The following TMEM19 variants were observed in gnomAD, a reference collection of about 807,000 sequenced individuals.
TMEM19 encodes the protein transmembrane protein 19.
Under a neutral mutation model 33.6 loss-of-function variants are expected in TMEM19, and 21 were observed. The observed-to-expected ratio is 0.62, with a 90% CI of 0.44 to 0.90. TMEM19 has a LOEUF of 0.90. Ranked by LOEUF, TMEM19 falls within the 40% of genes least tolerant of loss-of-function variation. The probability of loss-of-function intolerance (pLI) is 0.00; values close to 1 mark genes in which losing one functional copy is unlikely to be tolerated. For missense variants in TMEM19, 402 were observed against 401.8 expected, an observed-to-expected ratio of 1.00 and a Z score of 0.00; for synonymous variants, 149 against 147.5, an observed-to-expected ratio of 1.01 and a Z score of -0.07.
At position 71,696,460 on chromosome 12, in the gene TMEM19, C is replaced by T; in HGVS notation, c.269C>T (p.Thr90Ile). 1 of 1,611,794 alleles carries T rather than the reference C, an allele frequency of 6.2e-7. No individual in the cohort carries two copies. The highest frequency in any genetic ancestry group is 2.2e-5 in the East Asian group (1 of 44,764). Residue 90 changes from threonine (T) to isoleucine (I), a missense_variant, in exon 3 of 6, where the codon ACC becomes ATC. Transcript: ENST00000266673. Reference protein sequence around the residue: ...LGGLVVGFILTIANFSFFTSL... With the variant: ...LGGLVVGFILIIANFSFFTSL... ...GGGCTAGTCGTTGGATTTATCCTAACCATTGCAAATTTCAGCTTTTTTACC... is the reference window on the plus strand; with the variant it reads ...GGGCTAGTCGTTGGATTTATCCTAATCATTGCAAATTTCAGCTTTTTTACC...
chr12:71,700,535 A>G (rs1385795662), intron 5 of TMEM19, among the ~76,000 whole-genome samples: 1 of 152,130 alleles, frequency 6.6e-6, no homozygotes, highest in African/African-American at 2.4e-5. Context: ...TTCTGAAGCA[A>G]TTCCAGAGGT....
At position 71,701,165 on chromosome 12, in the gene TMEM19, T is replaced by C; in HGVS notation, c.*170T>C. ...CTCTCATCAACTCCCCTGTAATAGC[T>C]AGCGTCTTTCTAGTGAAAGAGAAGA... On this transcript the variant is annotated 3_prime_UTR_variant, in exon 6 of 6. Coordinates refer to ENST00000266673, the MANE Select transcript of TMEM19 (RefSeq NM_018279.4). 1 of 570,186 alleles carries C rather than the reference T, an allele frequency of 1.8e-6. No homozygotes were observed. The highest frequency in any genetic ancestry group is 3.7e-5 in the South Asian group (1 of 26,954). 35.3% of individuals were successfully genotyped at this position (570,186 alleles called of 1,614,324 possible).
chr12:71,700,805 T>G (rs1881963964), intron 5 of TMEM19, 27 bp from the exon 6 acceptor site: 1 of 1,511,056 alleles, frequency 6.6e-7, no homozygotes, highest in Non-Finnish European at 8.8e-7. Flanking sequence ...GGGTTTTCTA[T>G]CTCACTTGCT....
intron 2 of TMEM19, among the ~76,000 whole-genome samples, chr12:71,691,605 C>CAAAAAAAAAA (rs57138830): frequency 6.1e-5 from 3 of 49,514 alleles, no homozygotes; most frequent in African/African-American, 1.0e-4. Context: ...TTCACCTCTA[C>CAAAAAAAAAA]AAAAAAAAAA....
chr12:71,700,817 CT>C lies in TMEM19; in HGVS notation c.848-10del. 6.5e-7 allele frequency: 1 copy of C among 1,532,074 alleles called. No homozygotes were observed. The highest frequency in any genetic ancestry group is 8.8e-7 in the Non-Finnish European group (1 of 1,141,394). 94.9% of individuals were successfully genotyped at this position (1,532,074 alleles called of 1,614,324 possible). On this transcript the variant is annotated splice_polypyrimidine_tract_variant and intron_variant, in intron 5 of 5. Coordinates refer to ENST00000266673, the MANE Select transcript of TMEM19 (RefSeq NM_018279.4). ...TTTGGGTTTTCTATCTCACTTGCTT[CT>C]TTTTCCATTCCAGGGTTGGATGAAA...
Position 71,686,814 on chromosome 12 carries a change from A to G in TMEM19, c.130+4A>G. The stretch of plus-strand genomic sequence containing the variant: ...ATGACTGCAAGCACCTATTATGGTA[A>G]GTCTGAGTGTTCTAAGTTGTTTCTC... On this transcript the variant is annotated splice_donor_region_variant and intron_variant, in intron 1 of 5. Coordinates refer to ENST00000266673, the MANE Select transcript of TMEM19 (RefSeq NM_018279.4). The G allele has an allele frequency of 6.3e-7, 1 of 1,599,732 alleles. No homozygotes were observed. Among genetic ancestry groups the G allele is most frequent in the South Asian group, 1.1e-5 (1 of 89,152 alleles).
intron 4 of TMEM19, among the ~76,000 whole-genome samples, chr12:71,698,180 C>G (rs115047154): frequency 6.6e-6 from 1 of 152,086 alleles, no homozygotes; most frequent in Non-Finnish European, 1.5e-5. Flanking sequence ...GCTTCTCTTC[C>G]TCTTCGTCCC....
At chr12:71,694,582 G>A (rs146826799) in intron 2 of TMEM19, among the ~76,000 whole-genome samples, 7 of 152,330 alleles carry the variant, frequency 4.6e-5, no homozygotes, top group East Asian at 1.9e-4. Flanking sequence ...GTTCAGGCAT[G>A]CCCTATTCTT....
At chr12:71,689,919 G>A (rs950238773) in intron 2 of TMEM19, among the ~76,000 whole-genome samples, 7 of 152,142 alleles carry the variant, frequency 4.6e-5, no homozygotes, top group Non-Finnish European at 7.4e-5. Context: ...TAAACTCTGT[G>A]ATTGATACAA....
chr12:71,687,957 A>G (rs1006195139), intron 1 of TMEM19, among the ~76,000 whole-genome samples: 1 of 152,228 alleles, frequency 6.6e-6, no homozygotes, highest in Non-Finnish European at 1.5e-5. Flanking sequence ...AGGCTACAGA[A>G]GCTCTCAGTG....
intron 1 of TMEM19, among the ~76,000 whole-genome samples, chr12:71,688,524 C>G (rs953619624): frequency 1.3e-5 from 2 of 152,146 alleles, no homozygotes; most frequent in Non-Finnish European, 2.9e-5. Context: ...CCACTGCGCC[C>G]GGCCCATTTT....
At position 71,696,543 on chromosome 12, in the gene TMEM19, A is replaced by C. The variant is rs371073401; in HGVS notation, c.352A>C (p.Lys118Gln). 2.5e-6 allele frequency: 4 copies of C among 1,610,870 alleles called. No individual in the cohort carries two copies. Among genetic ancestry groups the C allele is most frequent in the Non-Finnish European group, 3.4e-6 (4 of 1,178,398 alleles). The change falls in exon 3 of 6, where the codon AAG becomes CAG. Residue 118 changes from lysine (K) to glutamine (Q), a missense_variant. Physicochemically the swap from Lys to Gln is moderately conservative, Grantham distance 53 (BLOSUM62 1). Coordinates refer to ENST00000266673, the MANE Select transcript of TMEM19 (RefSeq NM_018279.4). The stretch of plus-strand genomic sequence containing the variant: ...ACTCACTAAATGGAAGGGAGAAGTG[A>C]AGAAGCGTCTAGATTCAGAATATAA... ...SKLTKWKGEV[K>Q]KRLDSEYKEG...
In TMEM19 at chr12:71,694,812, T is replaced by G. The variant is rs560333009; in HGVS notation, c.245-1624T>G. ...ATATGTATGAAGCAATAGGTGAGCT[T>G]TGAGTTTATTAAATTACTATGAAAT... On this transcript the variant is annotated intron_variant, in intron 2 of 5. Transcript: ENST00000266673. Among the ~76,000 whole-genome samples the G allele has an allele frequency of 5.9e-5, 9 of 152,326 alleles. No individual in the cohort carries two copies. In the South Asian group the frequency reaches 1.9e-3, roughly 32 times the overall value.
intron 2 of TMEM19, among the ~76,000 whole-genome samples, chr12:71,696,041 G>A (rs1325814835): frequency 6.6e-6 from 1 of 152,088 alleles, no homozygotes; most frequent in East Asian, 1.9e-4. Context: ...AGAAGGCCAG[G>A]TGCTGTGGCT....
At position 71,692,288 on chromosome 12, in the gene TMEM19, C is replaced by T. The variant is rs140901672; in HGVS notation, c.244+2584C>T. ...CTTCTCCCCCTCAACCTCTCTCCTA[C>T]CTCATTATATATGCTGATTATTATT... On this transcript the variant is annotated intron_variant, in intron 2 of 5. Coordinates refer to ENST00000266673, the MANE Select transcript of TMEM19 (RefSeq NM_018279.4). Among the ~76,000 whole-genome samples, 12 of 152,286 alleles carry T rather than the reference C, an allele frequency of 7.9e-5. No individual in the cohort carries two copies. The East Asian group carries it at 2.3e-3, about 29-fold the overall frequency.
At position 71,699,085 on chromosome 12, in the gene TMEM19, T is replaced by G. The variant is rs145012054; in HGVS notation, c.823T>G (p.Leu275Val). 5.8e-3 allele frequency: 9,319 copies of G among 1,614,200 alleles called. 49 individuals are homozygous for G. The highest frequency in any genetic ancestry group is 0.012 in the Middle Eastern group (71 of 6,062). The part of the protein sequence containing the change: ...GLLGSIVDSY[L>V]GATMQYTGLD... ...ACTAGGATCAATTGTGGACTCATAC[T>G]TAGGGGCTACAATGCAGTATACTGG... Residue 275 changes from leucine to valine, a missense_variant, in exon 5 of 6, where the codon TTA (leucine) becomes GTA (valine). Transcript: ENST00000266673.
chr12:71,698,425 T>C (rs1338350851), intron 4 of TMEM19, among the ~76,000 whole-genome samples: 2 of 152,184 alleles, frequency 1.3e-5, no homozygotes, highest in African/African-American at 4.8e-5. Flanking sequence ...ATAAATTAAC[T>C]ACAGTCACAT....
intron 4 of TMEM19, 65 bp downstream of exon 4, chr12:71,697,599 T>TC: frequency 6.7e-7 from 1 of 1,497,492 alleles, no homozygotes; most frequent in Non-Finnish European, 8.8e-7. Context: ...TTGAGATTCT[T>TC]TAAAAAAACC....
chr12:71,687,888 C>T (rs937858402), intron 1 of TMEM19, among the ~76,000 whole-genome samples: 1 of 152,130 alleles, frequency 6.6e-6, no homozygotes, highest in African/African-American at 2.4e-5. Context: ...TAAGGGATTG[C>T]CATTTCAGAC....
Sources: gnomAD v4.1 joint callset for allele counts (sites outside exome capture counted in the v4.1 genomes callset) on GRCh38, gnomAD v4.1.1 for gene constraint, MANE v1.5 for transcripts, NCBI Gene and HGNC (gene_info 2026-07-23, HGNC 2026-07-21) for gene names.